The following ABCB7 variants were observed in gnomAD, a reference collection of about 807,000 sequenced individuals.
ABCB7 encodes the protein ATP binding cassette subfamily B member 7.
In ABCB7, 7 loss-of-function variants were observed where a neutral mutation model predicts 54.4. The ratio of observed to expected loss-of-function variants is 0.13; its 90% CI spans 0.07 to 0.24. The LOEUF is 0.24. ABCB7 is among the 10% of genes least tolerant of loss of function. ABCB7 has a pLI of 1.00. For missense variants in ABCB7, 356 were observed against 570.4 expected (o/e 0.62, Z 3.83); for synonymous variants, 218 against 207.1 (o/e 1.05, Z -0.45).
Position 75,053,238 on chromosome X carries a change from C to T in ABCB7, c.*132G>A, listed in dbSNP as rs2081209050. The T allele has an allele frequency of 2.3e-6, 2 of 862,855 alleles. No homozygotes were observed. Among genetic ancestry groups the T allele is most frequent in the Non-Finnish European group, 3.2e-6 (2 of 625,746 alleles). The allele number at this position is 862,855 out of a possible 1,213,427, so 71.1% of individuals were successfully genotyped here. ...CTATGAAAGATGTAAAACTCAAATCCCCTTTTAAATAAATCTTATCTAAAA... is the reference window on the plus strand; with the variant it reads ...CTATGAAAGATGTAAAACTCAAATCTCCTTTTAAATAAATCTTATCTAAAA... On this transcript the variant is annotated 3_prime_UTR_variant, in exon 16 of 16. Transcript: ENST00000373394.
intron 4 of ABCB7, among the ~76,000 whole-genome samples, chrX:75,080,567 G>T (rs2081447440): frequency 9.0e-6 from 1 of 111,699 alleles, no homozygotes; most frequent in Non-Finnish European, 1.9e-5. Context: ...GCCTCCCAAA[G>T]TGCTGGGATT....
chrX:75,131,813 C>T (rs895724882), intron 1 of ABCB7, among the ~76,000 whole-genome samples: 8 of 111,897 alleles, frequency 7.1e-5, no homozygotes, highest in Non-Finnish European at 1.1e-4. Flanking sequence ...ACAGCACAAC[C>T]ACCCTGACAC....
At position 75,080,659 on chromosome X, in the gene ABCB7, C is replaced by T. The variant is rs1445034067; in HGVS notation, c.454-4005G>A. ...TATGAGTGACCCAGTTCTTCTGCAT[C>T]CTCACAAACATTTGGTATTATCATT... is the stretch of plus-strand genomic sequence containing the variant. On this transcript the variant is annotated intron_variant, in intron 4 of 15. Transcript: ENST00000373394. 3.6e-5 allele frequency among the ~76,000 whole-genome samples: 4 copies of T among 111,365 alleles called. No homozygotes were observed. The East Asian group carries it at 1.1e-3, about 32-fold the overall frequency.
intron 4 of ABCB7, among the ~76,000 whole-genome samples, chrX:75,096,313 A>C (rs1451549648): frequency 8.9e-6 from 1 of 112,203 alleles, no homozygotes; most frequent in African/African-American, 3.2e-5. Context: ...ATCTTGATTT[A>C]AGTAAGTACT....
At chrX:75,060,971 C>T (rs1032978077) in intron 14 of ABCB7, among the ~76,000 whole-genome samples, 2 of 111,719 alleles carry the variant, frequency 1.8e-5, no homozygotes, top group Admixed American at 9.5e-5. Context: ...GGTCTAAGTA[C>T]AGCAAGCTAG....
intron 3 of ABCB7, among the ~76,000 whole-genome samples, chrX:75,102,219 T>A (rs1347890155): frequency 9.0e-6 from 1 of 110,643 alleles, no homozygotes; most frequent in Non-Finnish European, 1.9e-5. Context: ...TCCAGGTACT[T>A]TGAAATACAC....
At chrX:75,092,461 A>G in intron 4 of ABCB7, among the ~76,000 whole-genome samples, 1 of 111,862 alleles carries the variant, frequency 8.9e-6, no homozygotes, top group Admixed American at 9.4e-5. Context: ...GTAGAAGATG[A>G]AACTATAAAT....
chrX:75,073,672 ATAAT>A lies in ABCB7; in HGVS notation c.1032+13_1032+16del. The A allele has an allele frequency of 3.5e-6, 4 of 1,139,522 alleles. No homozygotes were observed. The South Asian group carries it at 5.4e-5, about 15-fold the overall frequency. The allele number at this position is 1,139,522 out of a possible 1,213,427, so 93.9% of individuals were successfully genotyped here. A position where few individuals can be genotyped will look rare whatever the true frequency, so the allele number is the denominator to read the frequency against. ...TGCAGTGTGAAAGGCAGAGGAAAGT[ATAAT>A]TAAACATATTACCTTCACAGTTTCA... On this transcript the variant is annotated intron_variant, in intron 8 of 15. Coordinates refer to ENST00000373394, the MANE Select transcript of ABCB7 (RefSeq NM_001271696.3).
At position 75,148,152 on chromosome X, in the gene ABCB7, A is replaced by G. The variant is rs140503528; in HGVS notation, c.168+7953T>C. On this transcript the variant is annotated intron_variant, in intron 1 of 15. Transcript: ENST00000373394. ...AAATAAAAAATAAACAAATAAAATA[A>G]AAGTTACAGAGATGATAAAATGCAT... 6.6e-3 allele frequency among the ~76,000 whole-genome samples: 734 copies of G among 111,624 alleles called. 11 individuals are homozygous for G. The highest frequency in any genetic ancestry group is 0.023 in the African/African-American group (692 of 30,753).
At chrX:75,082,179 C>T (rs1451749839) in intron 4 of ABCB7, among the ~76,000 whole-genome samples, 3 of 110,722 alleles carry the variant, frequency 2.7e-5, no homozygotes, top group African/African-American at 9.8e-5. Flanking sequence ...AAGCTAGAGA[C>T]AGAGAAAAAA....
rs199727121 is a variant in ABCB7, at chrX:75,075,596, G to A, written c.621C>T (p.Asn207=). ...GVSRAGAAFF[N]EVRNAVFGKV... is the part of the protein sequence containing the mutation. ...TGCCAAATACTGCATTTCGAACTTCGTTAAAAAAAGCAGCTCCAGCTCTTG... is the reference window on the plus strand; with the variant it reads ...TGCCAAATACTGCATTTCGAACTTCATTAAAAAAAGCAGCTCCAGCTCTTG... Residue 207 remains asparagine (N), a synonymous_variant, in exon 6 of 16, where the codon AAC becomes AAT. Coordinates refer to ENST00000373394, the MANE Select transcript of ABCB7 (RefSeq NM_001271696.3). The A allele has an allele frequency of 6.6e-6, 8 of 1,207,572 alleles. No individual in the cohort carries two copies. In the East Asian group the frequency reaches 8.9e-5, roughly 13 times the overall value.
At chrX:75,081,111 A>T (rs1251888114) in intron 4 of ABCB7, among the ~76,000 whole-genome samples, 1 of 111,934 alleles carries the variant, frequency 8.9e-6, no homozygotes, top group Admixed American at 9.5e-5. Context: ...CAGAAGATTT[A>T]CATAAGATTC....
chrX:75,110,276 T>A (rs755953458), intron 3 of ABCB7, among the ~76,000 whole-genome samples: 1 of 112,065 alleles, frequency 8.9e-6, no homozygotes, highest in Non-Finnish European at 1.9e-5. Context: ...AAAGACAATT[T>A]TAGAAATCAA....
rs1361631214 is a variant in ABCB7, at chrX:75,149,392, A to C, written c.168+6713T>G. On this transcript the variant is annotated intron_variant, in intron 1 of 15. Coordinates refer to ENST00000373394, the MANE Select transcript of ABCB7 (RefSeq NM_001271696.3). ...TGGTTATTGAACTAAAACTGACAAC[A>C]ATCAGTGATGCTACTCCACCACGGT... is the stretch of plus-strand genomic sequence containing the variant. 2.7e-5 allele frequency among the ~76,000 whole-genome samples: 3 copies of C among 112,115 alleles called. No individual in the cohort carries two copies. The Admixed American group carries it at 2.9e-4, about 11-fold the overall frequency.
intron 5 of ABCB7, among the ~76,000 whole-genome samples, chrX:75,075,954 T>C (rs2081405555): frequency 9.0e-6 from 1 of 111,437 alleles, no homozygotes; most frequent in African/African-American, 3.3e-5. Context: ...TTTTATCTAA[T>C]TTAATCTTCC....
At chrX:75,105,151 T>C (rs2081682114) in intron 3 of ABCB7, among the ~76,000 whole-genome samples, 1 of 111,038 alleles carries the variant, frequency 9.0e-6, no homozygotes, top group South Asian at 3.8e-4. Context: ...CCACTCCTAT[T>C]CAACATCTTA....
chrX:75,099,157 G>A, intron 3 of ABCB7, 96 bp from the exon 4 acceptor site: 1 of 936,360 alleles, frequency 1.1e-6, no homozygotes, highest in Admixed American at 2.7e-5. Flanking sequence ...AGAAATACAT[G>A]AAAACATTAC....
intron 4 of ABCB7, among the ~76,000 whole-genome samples, chrX:75,095,759 T>A (rs2081585508): frequency 8.9e-6 from 1 of 112,544 alleles, no homozygotes; most frequent in Non-Finnish European, 1.9e-5. Flanking sequence ...GCAATCAGTT[T>A]ACATGAGTTT....
At chrX:75,068,723 G>T (rs978883777) in intron 12 of ABCB7, among the ~76,000 whole-genome samples, 2 of 112,098 alleles carry the variant, frequency 1.8e-5, no homozygotes, top group Non-Finnish European at 3.8e-5. Context: ...GAGGCCCCAG[G>T]CCACACAACT....
Sources: gnomAD v4.1 joint callset for allele counts (sites outside exome capture counted in the v4.1 genomes callset) on GRCh38, gnomAD v4.1.1 for gene constraint, MANE v1.5 for transcripts, NCBI Gene and HGNC (gene_info 2026-07-23, HGNC 2026-07-21) for gene names.